IL17RC: variants seen among roughly 807,000 people sequenced by gnomAD.
IL17RC encodes the protein interleukin 17 receptor C, also known as interleukin-17 receptor C.
Under a neutral mutation model 86.7 loss-of-function variants are expected in IL17RC, and 53 were observed. The ratio of observed to expected loss-of-function variants is 0.61; its 90% CI spans 0.49 to 0.77. The LOEUF (loss-of-function observed/expected upper bound fraction) is 0.77. IL17RC is among the 30% of genes least tolerant of loss of function. The probability of loss-of-function intolerance (pLI) is 0.00; values close to 1 mark genes in which losing one functional copy is unlikely to be tolerated. For synonymous variants in IL17RC, 439 were observed against 413.1 expected, an observed-to-expected ratio of 1.06 and a Z score of -0.76; for missense variants, 957 against 940.0, an observed-to-expected ratio of 1.02 and a Z score of -0.24.
chr3:9,930,383 A>G lies in IL17RC; in HGVS notation c.1279-17A>G, dbSNP rs1338123669. ...GCTACCTCCAGGTAACAGTGCCCCC[A>G]TCCTTTGGCTTGGCAGAGGGCAGCT... On this transcript the variant is annotated splice_polypyrimidine_tract_variant and intron_variant, in intron 14 of 18. Coordinates refer to ENST00000403601, the MANE Select transcript of IL17RC (RefSeq NM_153460.4). This position sits in a 1 kb window ranked among gnomAD's most constrained non-coding sequence, Gnocchi z 5.8. 2 of 1,613,698 alleles carry G rather than the reference A, an allele frequency of 1.2e-6. No homozygotes were observed. Among genetic ancestry groups the G allele is most frequent in the Admixed American group, 1.7e-5 (1 of 59,972 alleles).
In IL17RC at chr3:9,933,486, C is replaced by T; in HGVS notation, c.2056C>T (p.Arg686Trp). Reference protein sequence around the residue: ...RLQERAEQVSRALQPALDSYF... With the variant: ...RLQERAEQVSWALQPALDSYF... ...CCAAGAGAGAGCGGAGCAAGTGTCC[C>T]GGGCCCTTCAGCCAGCCCTGGATAG... The change falls in exon 19 of 19, where the codon CGG (arginine) becomes TGG (tryptophan). Residue 686 changes from arginine (R) to tryptophan (W), a missense_variant. Coordinates refer to ENST00000403601, the MANE Select transcript of IL17RC (RefSeq NM_153460.4). 1 of 1,612,058 alleles carries T rather than the reference C, an allele frequency of 6.2e-7. No individual in the cohort carries two copies. Among genetic ancestry groups the T allele is most frequent in the East Asian group, 2.2e-5 (1 of 44,816 alleles).
Position 9,923,766 on chromosome 3 carries a change from C to G in IL17RC, c.623-115C>G, listed in dbSNP as rs2083797233. 3.5e-6 allele frequency: 4 copies of G among 1,158,352 alleles called. No individual in the cohort carries two copies. In the Admixed American group the frequency reaches 5.9e-5, roughly 17 times the overall value. The allele number at this position is 1,158,352 out of a possible 1,614,324, so 71.8% of individuals were successfully genotyped here. A position where few individuals can be genotyped will look rare whatever the true frequency, so the allele number is the denominator to read the frequency against. ...CTGGTCTGAAATGATGACACACGCT[C>G]TGCCCTCCGAGAGCCTCCCAGTCTA... On this transcript the variant is annotated intron_variant, in intron 7 of 18. Transcript: ENST00000403601.
At position 9,917,162 on chromosome 3, in the gene IL17RC, A is replaced by C; in HGVS notation, c.-154A>C. The C allele has an allele frequency of 3.2e-6, 2 of 626,278 alleles. No homozygotes were observed. Among genetic ancestry groups the C allele is most frequent in the Non-Finnish European group, 5.6e-6 (2 of 358,386 alleles). The allele number at this position is 626,278 out of a possible 1,614,324, so 38.8% of individuals were successfully genotyped here. On this transcript the variant is annotated 5_prime_UTR_variant, in exon 1 of 19. Transcript: ENST00000403601. The stretch of plus-strand genomic sequence containing the variant: ...AGGACTCCCAGGACAGAGAGTGCAC[A>C]AACTACCCAGCACAGCCCCCTCCGC...
chr3:9,931,469 A>ACACACACACACACACACT (rs1409500051), intron 16 of IL17RC, among the ~76,000 whole-genome samples: 2 of 12,944 alleles, frequency 1.5e-4, no homozygotes, highest in African/African-American at 1.9e-4. Flanking sequence ...ACACACACAC[A>ACACACACACACACACACT]CATATATATA....
chr3:9,929,725 C>G (rs2084472744), intron 12 of IL17RC, 127 bp from the exon 13 acceptor site: 2 of 941,436 alleles, frequency 2.1e-6, no homozygotes, highest in Admixed American at 3.5e-5. Flanking sequence ...GAATCCACAT[C>G]TGCCTCAGGT....
chr3:9,929,707 C>A, intron 12 of IL17RC, 145 bp from the exon 13 acceptor site: 1 of 821,556 alleles, frequency 1.2e-6, no homozygotes, highest in South Asian at 1.5e-5. Flanking sequence ...TCCTAATCAC[C>A]CAGCCTTGAA....
chr3:9,931,470 C>CACACACATATATATATATATATATATAT (rs750351615), intron 16 of IL17RC, among the ~76,000 whole-genome samples: 1 of 43,736 alleles, frequency 2.3e-5, no homozygotes, highest in Non-Finnish European at 6.4e-5. Flanking sequence ...CACACACACA[C>CACACACATATATATATATATATATATAT]ATATATATAT....
chr3:9,921,275 C>A (rs1266773987), intron 7 of IL17RC, among the ~76,000 whole-genome samples: 1 of 152,026 alleles, frequency 6.6e-6, no homozygotes, highest in Admixed American at 6.6e-5. Context: ...GGCAACATGG[C>A]AAATCCCCGT....
chr3:9,933,301 G>A lies in IL17RC; in HGVS notation c.1871G>A (p.Arg624Gln), dbSNP rs199595818. ...SCVLPDFLQG[R>Q]APGSYVGACF... is the part of the protein sequence containing the mutation. ...GTGCTGCCCGACTTCTTGCAGGGCC[G>A]GGCGCCCGGCAGCTACGTGGGGGCC... Residue 624 changes from arginine to glutamine, a missense_variant, in exon 19 of 19, where the codon CGG becomes CAG. By Grantham distance (43) the Arg-to-Gln change is conservative (BLOSUM62 1). Transcript: ENST00000403601. 1.1e-4 allele frequency: 184 copies of A among 1,604,584 alleles called. 1 individual carries two copies. In the African/African-American group the frequency reaches 2.2e-3, roughly 20 times the overall value.
chr3:9,917,582 C>T (rs764674028), intron 1 of IL17RC, 131 bp from the exon 2 acceptor site: 1 of 1,613,360 alleles, frequency 6.2e-7, no homozygotes, highest in African/African-American at 1.3e-5. Flanking sequence ...GGGGCAAGAG[C>T]TGGGTCTGTC....
Position 9,920,962 on chromosome 3 carries a change from C to G in IL17RC, c.615C>G (p.Ser205Arg). ...RGLEVWNSIP[S>R]CWALPWLNVS... ...TCGAAGTCTGGAACAGCATCCCGAG[C>G]TGCTGGGGTAGGGGCTAGGGCCAGT... Residue 205 changes from serine to arginine, a missense_variant, in exon 7 of 19, where the codon AGC (serine) becomes AGG (arginine). Ser to Arg is a moderately radical substitution (Grantham distance 110, BLOSUM62 -1). Transcript: ENST00000403601. 6.3e-7 allele frequency: 1 copy of G among 1,592,702 alleles called. No homozygotes were observed. The highest frequency in any genetic ancestry group is 8.5e-7 in the Non-Finnish European group (1 of 1,172,292).
chr3:9,917,671 G>C (rs766084671), intron 1 of IL17RC, 42 bp from the exon 2 acceptor site: 7 of 1,613,732 alleles, frequency 4.3e-6, no homozygotes, highest in East Asian at 4.5e-5. Flanking sequence ...GTGCCTAGAT[G>C]GTGGGGGCAC....
intron 5 of IL17RC, 31 bp downstream of exon 5, chr3:9,918,640 A>G (rs1317877334): frequency 1.4e-6 from 2 of 1,461,004 alleles, no homozygotes; most frequent in East Asian, 2.3e-5. Context: ...CACCTTCTAA[A>G]CCTAAAATCT....
At position 9,930,121 on chromosome 3, in the gene IL17RC, G is replaced by A. The variant is rs1454082798; in HGVS notation, c.1250G>A (p.Cys417Tyr). ...RSLCALEPSGCTSLPSKASTR... is the reference protein window; with the variant it reads ...RSLCALEPSGYTSLPSKASTR... ...CTCTGTGCCTTGGAACCCAGTGGCTGTACTTCACTACCCAGCAAAGCCTCC... is the reference window on the plus strand; with the variant it reads ...CTCTGTGCCTTGGAACCCAGTGGCTATACTTCACTACCCAGCAAAGCCTCC... The change falls in exon 14 of 19, where the codon TGT becomes TAT. Residue 417 changes from cysteine to tyrosine, a missense_variant. Physicochemically the swap from Cys to Tyr is radical, Grantham distance 194. Coordinates refer to ENST00000403601, the MANE Select transcript of IL17RC (RefSeq NM_153460.4). The surrounding 1 kb of genome is among the most constrained non-coding windows in gnomAD (Gnocchi z 5.8). 10 of 1,613,972 alleles carry A rather than the reference G, an allele frequency of 6.2e-6. No individual in the cohort carries two copies. Among genetic ancestry groups the A allele is most frequent in the Non-Finnish European group, 8.5e-6 (10 of 1,180,018 alleles).
Position 9,918,509 on chromosome 3 carries a change from A to C in IL17RC, c.365A>C (p.Gln122Pro). Residue 122 changes from glutamine to proline, a missense_variant, in exon 5 of 19, where the codon CAG (glutamine) becomes CCG (proline). By Grantham distance (76) the Gln-to-Pro change is moderately conservative (BLOSUM62 -1). Coordinates refer to ENST00000403601, the MANE Select transcript of IL17RC (RefSeq NM_153460.4). ...GCCCTGTTGCCCACAGCCTCTCTCC[A>C]GGCCCAAGTCGTGCTCTCCTTCCAG... Reference protein sequence around the residue: ...GVEEPRNASLQAQVVLSFQAY... With the variant: ...GVEEPRNASLPAQVVLSFQAY... 1 of 1,614,074 alleles carries C rather than the reference A, an allele frequency of 6.2e-7. No individual in the cohort carries two copies. Among genetic ancestry groups the C allele is most frequent in the Non-Finnish European group, 8.5e-7 (1 of 1,179,970 alleles).
chr3:9,927,236 G>T (rs1374500534), intron 9 of IL17RC, among the ~76,000 whole-genome samples: 1 of 76 alleles, frequency 0.013, no homozygotes, highest in African/African-American at 0.05. Flanking sequence ...CATAGCAGGT[G>T]CTTACACAAG....
At chr3:9,920,654 TC>T (rs1439924573) in intron 6 of IL17RC, 52 bp downstream of exon 6, 12 of 1,219,150 alleles carry the variant, frequency 9.8e-6, no homozygotes, top group Non-Finnish European at 1.4e-5. Context: ...CTCTGGCCAT[TC>T]CCCCTCCTGA....
At chr3:9,922,181 G>A (rs1479538502) in intron 7 of IL17RC, among the ~76,000 whole-genome samples, 1 of 151,758 alleles carries the variant, frequency 6.6e-6, no homozygotes, top group South Asian at 2.1e-4. Flanking sequence ...TTGAACTCCT[G>A]ACCTCGTGAT....
chr3:9,922,418 A>G (rs2083659253), intron 7 of IL17RC, among the ~76,000 whole-genome samples: 1 of 152,224 alleles, frequency 6.6e-6, no homozygotes, highest in African/African-American at 2.4e-5. Flanking sequence ...TTGGCAACTC[A>G]TTAAAGACTA....
Sources: gnomAD v4.1 joint callset for allele counts (sites outside exome capture counted in the v4.1 genomes callset) on GRCh38, gnomAD v4.1.1 for gene constraint, Gnocchi (gnomAD v3.1) non-coding constraint, MANE v1.5 for transcripts, NCBI Gene and HGNC (gene_info 2026-07-23, HGNC 2026-07-21) for gene names.